VPS13B: variants seen among roughly 807,000 people sequenced by gnomAD.
VPS13B encodes the protein vacuolar protein sorting 13 homolog B.
A neutral mutation model predicts 426.4 loss-of-function variants in VPS13B; 285 were observed. The observed-to-expected ratio is 0.67, with a 90% confidence interval of 0.61 to 0.74. The LOEUF (loss-of-function observed/expected upper bound fraction) is 0.74, where lower values mean the gene tolerates loss of function less well. Ranked by LOEUF, VPS13B falls within the 30% of genes least tolerant of loss-of-function variation. VPS13B has a pLI of 0.00. For missense variants in VPS13B, 4,537 were observed against 4,782.6 expected (o/e 0.95, Z 1.51); for synonymous variants, 1,676 against 1,676.4 (o/e 1.00, Z 0.01).
intron 17 of VPS13B, among the ~76,000 whole-genome samples, chr8:99,250,064 T>G (rs928327731): frequency 3.3e-5 from 5 of 152,232 alleles, no homozygotes; most frequent in African/African-American, 9.6e-5. Flanking sequence ...GCTGTTGAGA[T>G]AGATGTGTAG....
intron 14 of VPS13B, 44 bp downstream of exon 14, chr8:99,148,054 A>ATTT (rs199769640): frequency 7.4e-5 from 101 of 1,363,570 alleles, no homozygotes; most frequent in Middle Eastern, 4.0e-4. Flanking sequence ...TCATATATGG[A>ATTT]TTTTTTTTTT....
intron 8 of VPS13B, among the ~76,000 whole-genome samples, chr8:99,134,246 G>A (rs1809953705): frequency 6.6e-6 from 1 of 151,916 alleles, no homozygotes; most frequent in Non-Finnish European, 1.5e-5. Flanking sequence ...GAGAAGTCTT[G>A]GAAATGACTG....
At chr8:99,507,113 A>G (rs778580771) in intron 27 of VPS13B, 24 bp from the exon 28 acceptor site, 4 of 1,613,734 alleles carry the variant, frequency 2.5e-6, no homozygotes, top group South Asian at 1.1e-5. Context: ...AAGAGAACAG[A>G]TAAGGTGAAC....
intron 21 of VPS13B, among the ~76,000 whole-genome samples, chr8:99,397,524 A>G (rs1814801017): frequency 6.6e-6 from 1 of 152,198 alleles, no homozygotes; most frequent in Non-Finnish European, 1.5e-5. Context: ...AAGTTTAATA[A>G]TATATTGTTT....
intron 20 of VPS13B, among the ~76,000 whole-genome samples, chr8:99,386,403 TACAAACCTAGATGGTATGACCTGC>T (rs1814125870): frequency 6.6e-6 from 1 of 152,212 alleles, no homozygotes; most frequent in South Asian, 2.1e-4. Context: ...AGTGTACTTA[TACAAACCTAGATGGTATGACCTGC>T]TAGACATCTG....
chr8:99,782,801 A>C (rs1812081902), intron 42 of VPS13B, among the ~76,000 whole-genome samples: 1 of 152,096 alleles, frequency 6.6e-6, no homozygotes, highest in South Asian at 2.1e-4. Context: ...ACAGCAGTCA[A>C]GTTTTGAAAT....
intron 35 of VPS13B, among the ~76,000 whole-genome samples, chr8:99,675,118 G>T (rs933567738): frequency 1.3e-5 from 2 of 151,670 alleles, no homozygotes; most frequent in Non-Finnish European, 2.9e-5. Context: ...TGTAATGCAG[G>T]TCTGGTGGTG....
chr8:99,256,139 A>G (rs1386832425), intron 17 of VPS13B, among the ~76,000 whole-genome samples: 2 of 152,014 alleles, frequency 1.3e-5, no homozygotes, highest in African/African-American at 2.4e-5. Context: ...TTCTGTCTGT[A>G]CCCATTGGCC....
chr8:99,730,098 C>T (rs1165603951), intron 39 of VPS13B, among the ~76,000 whole-genome samples: 1 of 152,210 alleles, frequency 6.6e-6, no homozygotes, highest in Non-Finnish European at 1.5e-5. Context: ...GGGCAGTTCA[C>T]TTATAGCTGC....
chr8:99,148,094 G>A, intron 14 of VPS13B, 84 bp downstream of exon 14: 3 of 1,416,600 alleles, frequency 2.1e-6, no homozygotes, highest in Admixed American at 1.8e-5. Flanking sequence ...AAGAATATCT[G>A]CAGCCGGGCA....
intron 2 of VPS13B, among the ~76,000 whole-genome samples, chr8:99,032,194 A>G (rs1842536034): frequency 6.6e-6 from 1 of 152,168 alleles, no homozygotes. Context: ...GAGTTTCTGT[A>G]CCTCAGAAGA....
chr8:99,849,907 C>G (rs1442452532), intron 55 of VPS13B, among the ~76,000 whole-genome samples: 2 of 151,806 alleles, frequency 1.3e-5, no homozygotes, highest in East Asian at 1.9e-4. Flanking sequence ...TATGTGTTAT[C>G]TGTACATACA....
intron 33 of VPS13B, among the ~76,000 whole-genome samples, chr8:99,594,115 G>A (rs982486242): frequency 6.6e-6 from 1 of 151,442 alleles, no homozygotes; most frequent in African/African-American, 2.4e-5. Flanking sequence ...TGCATCAGGG[G>A]AGTTAAGAGA....
chr8:99,564,455 T>C (rs571259485), intron 31 of VPS13B, among the ~76,000 whole-genome samples: 57 of 152,258 alleles, frequency 3.7e-4, no homozygotes, highest in Non-Finnish European at 7.1e-4. Context: ...AGAGAGCTGA[T>C]AGACATTAAT....
At chr8:99,279,244 A>G (rs1819047897) in intron 19 of VPS13B, among the ~76,000 whole-genome samples, 1 of 152,212 alleles carries the variant, frequency 6.6e-6, no homozygotes, top group South Asian at 2.1e-4. Context: ...TCTCAAAAAT[A>G]AATAAAAATA....
At position 99,720,547 on chromosome 8, in the gene VPS13B, A is replaced by G. The variant is rs763072882; in HGVS notation, c.6860A>G (p.Asp2287Gly). 1.2e-6 allele frequency: 2 copies of G among 1,613,988 alleles called. No homozygotes were observed. The highest frequency in any genetic ancestry group is 1.1e-5 in the South Asian group (1 of 91,082). ...ACAGGTCTATTTCAGTATGTACAGG[A>G]TGCTGGTAAGTAGCAACAGACTCAG... ...LRTGLFQYVQ[D>G]AESLKLPGVY... Residue 2287 changes from aspartate to glycine, a missense_variant, in exon 38 of 62, where the codon GAT (aspartate) becomes GGT (glycine). Asp to Gly is a moderately conservative substitution (Grantham distance 94). Transcript: ENST00000357162.
At chr8:99,547,898 A>G (rs142439796) in intron 30 of VPS13B, among the ~76,000 whole-genome samples, 1 of 152,128 alleles carries the variant, frequency 6.6e-6, no homozygotes, top group African/African-American at 2.4e-5. Flanking sequence ...TAAAGGCTGC[A>G]ATAAGGAGAC....
At chr8:99,309,183 T>C (rs1353978595) in intron 19 of VPS13B, among the ~76,000 whole-genome samples, 4 of 152,234 alleles carry the variant, frequency 2.6e-5, no homozygotes, top group Non-Finnish European at 5.9e-5. Context: ...CTCTTTAGTT[T>C]AGTTAGATCC....
At chr8:99,076,771 G>C (rs1443713028) in intron 3 of VPS13B, among the ~76,000 whole-genome samples, 1 of 151,812 alleles carries the variant, frequency 6.6e-6, no homozygotes, top group Non-Finnish European at 1.5e-5. Flanking sequence ...GTTATTTATA[G>C]GCAGCATACA....
Sources: gnomAD v4.1 joint callset for allele counts (sites outside exome capture counted in the v4.1 genomes callset) on GRCh38, gnomAD v4.1.1 for gene constraint, MANE v1.5 for transcripts, NCBI Gene and HGNC (gene_info 2026-07-23, HGNC 2026-07-21) for gene names.